CABP1: variants seen among roughly 807,000 people sequenced by gnomAD.
CABP1 encodes calcium binding protein 1.
Under a neutral mutation model 34.3 loss-of-function variants are expected in CABP1, and 17 were observed. The ratio of observed to expected loss-of-function variants is 0.50; its 90% CI spans 0.34 to 0.74. CABP1 has a LOEUF of 0.74. Ranked by LOEUF, CABP1 falls within the 30% of genes least tolerant of loss-of-function variation. CABP1 has a pLI of 0.01. For missense variants in CABP1, 373 were observed against 511.1 expected (o/e 0.73, Z 2.61); for synonymous variants, 198 against 229.2 (o/e 0.86, Z 1.23).
chr12:120,654,527 C>T (rs1593161232), intron 1 of CABP1, among the ~76,000 whole-genome samples: 2 of 152,130 alleles, frequency 1.3e-5, no homozygotes, highest in Non-Finnish European at 2.9e-5. Flanking sequence ...ATAGGGTGCG[C>T]AGACCTGCAC....
chr12:120,660,339 CGT>C lies in CABP1; in HGVS notation c.829+2_829+3del. On this transcript the variant is annotated splice_donor_variant, in intron 3 of 5. Coordinates refer to ENST00000316803, the MANE Select transcript of CABP1 (RefSeq NM_001033677.2). LOFTEE classifies it high-confidence loss of function. This position sits in a 1 kb window ranked among gnomAD's most constrained non-coding sequence, Gnocchi z 5.0. ...ACTGTCCCAGCAGATCAACATGAAC[CGT>C]GAGTCCCTCTACCAGGCATCTGCGT... is the stretch of plus-strand genomic sequence containing the variant. The C allele has an allele frequency of 6.2e-7, 1 of 1,612,432 alleles. No individual in the cohort carries two copies. The highest frequency in any genetic ancestry group is 8.5e-7 in the Non-Finnish European group (1 of 1,179,760).
the CABP1 span, among the ~76,000 whole-genome samples, chr12:120,679,322 CATTGG>C: frequency 6.6e-6 from 1 of 152,130 alleles, no homozygotes; most frequent in Non-Finnish European, 1.5e-5. Context: ...GATGCCAAAA[CATTGG>C]ATTCTGGCTG....
chr12:120,645,934 G>A (rs914093901), intron 1 of CABP1, among the ~76,000 whole-genome samples: 1 of 152,120 alleles, frequency 6.6e-6, no homozygotes, highest in African/African-American at 2.4e-5. Context: ...ATCTGTAATT[G>A]CAGCACTTTG....
At chr12:120,668,771 C>T (rs933781296), downstream of CABP1, among the ~76,000 whole-genome samples, 1 of 152,220 alleles carries the variant, frequency 6.6e-6, no homozygotes, top group African/African-American at 2.4e-5. Context: ...AAGGAGAAAT[C>T]TGTGGGTAGA....
At chr12:120,679,737 G>T in the CABP1 span, among the ~76,000 whole-genome samples, 1 of 152,158 alleles carries the variant, frequency 6.6e-6, no homozygotes, top group African/African-American at 2.4e-5. Flanking sequence ...TGAGGCAGGA[G>T]AATCACTTGA....
At chr12:120,659,944 G>A in intron 2 of CABP1, 36 bp downstream of exon 2, 1 of 1,606,684 alleles carries the variant, frequency 6.2e-7, no homozygotes. Flanking sequence ...GGACTGCCTA[G>A]CCCTCTAGGA....
chr12:120,641,654 A>C lies in CABP1; in HGVS notation c.654+315A>C, dbSNP rs1011793977. On this transcript the variant is annotated intron_variant, in intron 1 of 5. Transcript: ENST00000316803. This position sits in a 1 kb window ranked among gnomAD's most constrained non-coding sequence, Gnocchi z 6.7. ...ACCGTCCTGGAGATTTGCGGGGGTC[A>C]AGGAGGGGCGCTCCGAGCAGGTGGC... 2 of 263,760 alleles carry C rather than the reference A, an allele frequency of 7.6e-6. No individual in the cohort carries two copies. Among genetic ancestry groups the C allele is most frequent in the South Asian group, 3.4e-4 (2 of 5,850 alleles). 16.3% of individuals were successfully genotyped at this position (263,760 alleles called of 1,614,324 possible).
In CABP1 at chr12:120,659,971, G is replaced by A; in HGVS notation, c.685+63G>A. The A allele has an allele frequency of 2.6e-6, 4 of 1,545,836 alleles. 1 individual carries two copies. The South Asian group carries it at 4.6e-5, about 18-fold the overall frequency. On this transcript the variant is annotated intron_variant, in intron 2 of 5. Transcript: ENST00000316803. ...CCTCTAGGAAGGTGTGGGAAGGGAG[G>A]TTGATGGGAAGAGAGGCCCCTGGAA...
intron 1 of CABP1, chr12:120,656,234 AT>A: frequency 6.3e-7 from 1 of 1,584,602 alleles, no homozygotes; most frequent in Non-Finnish European, 8.6e-7. Flanking sequence ...CCCTGCCTGC[AT>A]TTTCCTGCGC....
At chr12:120,642,168 A>G (rs1879362302) in intron 1 of CABP1, among the ~76,000 whole-genome samples, 1 of 152,170 alleles carries the variant, frequency 6.6e-6, no homozygotes. Context: ...CAAAAAAGCC[A>G]GGGTTTCCCC....
Position 120,640,673 on chromosome 12 carries a change from G to A in CABP1, c.-13G>A. 2 of 1,179,792 alleles carry A rather than the reference G, an allele frequency of 1.7e-6. No homozygotes were observed. The highest frequency in any genetic ancestry group is 1.0e-6 in the Non-Finnish European group (1 of 954,260). 73.1% of individuals were successfully genotyped at this position (1,179,792 alleles called of 1,614,324 possible). A position where few individuals can be genotyped will look rare whatever the true frequency, so the allele number is the denominator to read the frequency against. ...GGAGCTCCGGGCTCCGGGCGTAGAG[G>A]CTGCGCTGTCACATGGGCGGCGGCG... On this transcript the variant is annotated 5_prime_UTR_variant, in exon 1 of 6. Transcript: ENST00000316803. The surrounding 1 kb of genome is among the most constrained non-coding windows in gnomAD (Gnocchi z 6.2).
At position 120,657,855 on chromosome 12, in the gene CABP1, G is replaced by A. The variant is rs917165376; in HGVS notation, c.655-2023G>A. ...AGAACTGGGCCTTGGAGAAGTGGGA[G>A]GCTGCTTAAGGCCTGATGCGTGGGA... On this transcript the variant is annotated intron_variant, in intron 1 of 5. Coordinates refer to ENST00000316803, the MANE Select transcript of CABP1 (RefSeq NM_001033677.2). Among the ~76,000 whole-genome samples the A allele has an allele frequency of 2.6e-5, 4 of 152,166 alleles. No individual in the cohort carries two copies. The East Asian group carries it at 7.7e-4, about 29-fold the overall frequency.
chr12:120,665,239 A>G (rs1880894801), intron 5 of CABP1, among the ~76,000 whole-genome samples: 2 of 152,100 alleles, frequency 1.3e-5, no homozygotes, highest in Admixed American at 1.3e-4. Context: ...CCTGGGCAAC[A>G]TGGTGAAACC....
At chr12:120,647,188 C>A (rs1349516647) in intron 1 of CABP1, among the ~76,000 whole-genome samples, 1 of 152,086 alleles carries the variant, frequency 6.6e-6, no homozygotes, top group African/African-American at 2.4e-5. Flanking sequence ...CCTTTAATAC[C>A]AATGCTGGGC....
chr12:120,654,099 C>T (rs1011339615), intron 1 of CABP1, among the ~76,000 whole-genome samples: 2 of 152,166 alleles, frequency 1.3e-5, no homozygotes, highest in Admixed American at 6.5e-5. Flanking sequence ...TGAGTGAAGC[C>T]GAGGCTCTGA....
rs1158256654 is a variant in CABP1 at position 120,660,226 on chromosome 12, A to C, written c.716A>C (p.Lys239Thr). The change falls in exon 3 of 6, where the codon AAG becomes ACG. Residue 239 changes from lysine (K) to threonine (T), a missense_variant. Lys to Thr is a moderately conservative substitution (Grantham distance 78). Around this residue, in one of 4 missense-constraint regions of CABP1, gnomAD observed 109 missense variants for 204.8 expected, o/e 0.53. Transcript: ENST00000316803. The surrounding 1 kb of genome is among the most constrained non-coding windows in gnomAD (Gnocchi z 5.0). ...CGAGAGGCCTTCAGAGAATTCGACA[A>C]GGACAAGGATGGCTACATCAACTGC... is the stretch of plus-strand genomic sequence containing the variant. ...ELREAFREFD[K>T]DKDGYINCRD... The C allele has an allele frequency of 6.2e-7, 1 of 1,613,992 alleles. No homozygotes were observed. Among genetic ancestry groups the C allele is most frequent in the Non-Finnish European group, 8.5e-7 (1 of 1,180,016 alleles).
Position 120,666,875 on chromosome 12 carries a change from A to G in CABP1, c.1088A>G (p.Glu363Gly). The G allele has an allele frequency of 6.2e-7, 1 of 1,606,382 alleles. No individual in the cohort carries two copies. The highest frequency in any genetic ancestry group is 8.5e-7 in the Non-Finnish European group (1 of 1,178,722). Residue 363 changes from glutamate to glycine, a missense_variant and splice_region_variant, in exon 6 of 6, where the codon GAG (glutamate) becomes GGG (glycine). Physicochemically the swap from Glu to Gly is moderately conservative, Grantham distance 98. Around this residue, in one of 4 missense-constraint regions of CABP1, gnomAD observed 109 missense variants for 204.8 expected, o/e 0.53. Coordinates refer to ENST00000316803, the MANE Select transcript of CABP1 (RefSeq NM_001033677.2). The part of the protein sequence containing the change: ...LNGDGRVDFE[E>G]FVRMMSR The stretch of plus-strand genomic sequence containing the variant: ...CCCAGCTGCTCCTCTACCCTTCTAG[A>G]GTTTGTCCGGATGATGTCCCGCTGA...
downstream of CABP1, among the ~76,000 whole-genome samples, chr12:120,669,998 T>TC (rs1881196842): frequency 6.6e-6 from 1 of 152,170 alleles, no homozygotes; most frequent in Admixed American, 6.6e-5. Context: ...GAAACGTTTT[T>TC]TTTTCTTTCT....
At chr12:120,670,343 G>A (rs546692281), downstream of CABP1, among the ~76,000 whole-genome samples, 4 of 152,296 alleles carry the variant, frequency 2.6e-5, no homozygotes, top group South Asian at 4.1e-4. Context: ...GAAGAAAGGG[G>A]TCTGAGACTT....
Sources: gnomAD v4.1 joint callset for allele counts (sites outside exome capture counted in the v4.1 genomes callset) on GRCh38, gnomAD v4.1.1 for gene constraint, gnomAD v4.1.1 regional missense constraint, Gnocchi (gnomAD v3.1) non-coding constraint, MANE v1.5 for transcripts, NCBI Gene and HGNC (gene_info 2026-07-23, HGNC 2026-07-21) for gene names.